The following FARS2 variants were observed in gnomAD, a reference collection of about 807,000 sequenced individuals.
FARS2 encodes phenylalanyl-tRNA synthetase 2, mitochondrial.
A neutral mutation model predicts 46.4 loss-of-function variants in FARS2; 40 were observed. The ratio of observed to expected loss-of-function variants is 0.86; its 90% CI spans 0.67 to 1.12. The LOEUF (loss-of-function observed/expected upper bound fraction) is 1.12. FARS2 is among the 50% of genes most tolerant of loss of function. The probability of loss-of-function intolerance (pLI) is 0.00; values close to 1 mark genes in which losing one functional copy is unlikely to be tolerated. For synonymous variants in FARS2, 234 were observed against 214.9 expected (o/e 1.09, Z -0.78); for missense variants, 513 against 567.9 (o/e 0.90, Z 0.98).
intron 1 of FARS2, among the ~76,000 whole-genome samples, chr6:5,293,837 G>A (rs1767666397): frequency 6.6e-6 from 1 of 152,240 alleles, no homozygotes; most frequent in African/African-American, 2.4e-5. Context: ...TGAAGGCCAA[G>A]AGCATGATTG....
At chr6:5,682,380 C>A (rs1779079489) in intron 6 of FARS2, among the ~76,000 whole-genome samples, 1 of 152,128 alleles carries the variant, frequency 6.6e-6, no homozygotes, top group African/African-American at 2.4e-5. Context: ...ATATACCAGA[C>A]ACTATGCAAG....
At chr6:5,639,721 G>T (rs969464181) in intron 6 of FARS2, among the ~76,000 whole-genome samples, 1 of 148,922 alleles carries the variant, frequency 6.7e-6, no homozygotes, top group Non-Finnish European at 1.5e-5. Flanking sequence ...GAGTGTAAGC[G>T]CTTGAAAAGT....
At chr6:5,698,253 A>G (rs770800476) in intron 6 of FARS2, among the ~76,000 whole-genome samples, 2 of 152,184 alleles carry the variant, frequency 1.3e-5, no homozygotes, top group African/African-American at 4.8e-5. Flanking sequence ...CTCAGCTTCT[A>G]GGGAGGCCTC....
chr6:5,638,740 T>A (rs1387741660), intron 6 of FARS2, among the ~76,000 whole-genome samples: 2 of 152,318 alleles, frequency 1.3e-5, no homozygotes, highest in South Asian at 4.1e-4. Flanking sequence ...CCTCCCTCAG[T>A]GGACCCTGCT....
chr6:5,363,728 C>T (rs909303367), intron 1 of FARS2, among the ~76,000 whole-genome samples: 1 of 152,198 alleles, frequency 6.6e-6, no homozygotes, highest in South Asian at 2.1e-4. Context: ...TTTCCCCTGA[C>T]TTCTGTGCTG....
chr6:5,416,597 T>A (rs116192098), intron 3 of FARS2, among the ~76,000 whole-genome samples: 1 of 152,236 alleles, frequency 6.6e-6, no homozygotes, highest in Non-Finnish European at 1.5e-5. Context: ...TTCAAAGTTA[T>A]TTTAATTAGA....
chr6:5,268,919 A>G (rs1339990698), intron 1 of FARS2, among the ~76,000 whole-genome samples: 1 of 152,118 alleles, frequency 6.6e-6, no homozygotes, highest in Non-Finnish European at 1.5e-5. Context: ...GGTCCTTCAC[A>G]TCCCTTGTAG....
intron 5 of FARS2, among the ~76,000 whole-genome samples, chr6:5,588,194 G>A (rs567822507): frequency 2.0e-5 from 3 of 151,864 alleles, no homozygotes; most frequent in Non-Finnish European, 4.4e-5. Flanking sequence ...ATTCAAATGT[G>A]CACATGGGCC....
intron 2 of FARS2, among the ~76,000 whole-genome samples, chr6:5,379,072 G>C (rs888806605): frequency 5.9e-5 from 9 of 152,198 alleles, no homozygotes; most frequent in Non-Finnish European, 1.0e-4. Flanking sequence ...GACCCTTACT[G>C]GGCTTTCAGC....
chr6:5,680,426 T>G (rs543007438), intron 6 of FARS2, among the ~76,000 whole-genome samples: 22 of 152,314 alleles, frequency 1.4e-4, no homozygotes, highest in African/African-American at 4.8e-4. Flanking sequence ...CTGGTAGGCA[T>G]CTCTATCAAC....
At position 5,635,078 on chromosome 6, in the gene FARS2, C is replaced by T. The variant is rs138476199; in HGVS notation, c.1217+21758C>T. Among the ~76,000 whole-genome samples, 627 of 152,356 alleles carry T rather than the reference C, an allele frequency of 4.1e-3. 3 individuals carry two copies. The highest frequency in any genetic ancestry group is 5.6e-3 in the Admixed American group (85 of 15,304). On this transcript the variant is annotated intron_variant, in intron 6 of 6. Coordinates refer to ENST00000274680, the MANE Select transcript of FARS2 (RefSeq NM_006567.5). ...CGTGGAACCATTCGAGCAAGTTACT[C>T]ACCTCTCTAAGCGTCAATTTCTTAT...
intron 5 of FARS2, among the ~76,000 whole-genome samples, chr6:5,602,570 C>T (rs1158814027): frequency 7.1e-6 from 1 of 140,870 alleles, no homozygotes; most frequent in African/African-American, 2.6e-5. Flanking sequence ...TCACTTGGAC[C>T]CAGGAGGCAG....
At chr6:5,378,995 C>T (rs2432749) in intron 2 of FARS2, among the ~76,000 whole-genome samples, 90,862 of 151,968 alleles carry the variant, frequency 0.6, 27,480 homozygotes, top group South Asian at 0.72. Flanking sequence ...TCTTTGGCTA[C>T]GACAAGATGG....
At chr6:5,621,072 A>G (rs1376279297) in intron 6 of FARS2, among the ~76,000 whole-genome samples, 1 of 152,150 alleles carries the variant, frequency 6.6e-6, no homozygotes, top group African/African-American at 2.4e-5. Flanking sequence ...CATTGGGCTA[A>G]TTGCTGTGGG....
At chr6:5,336,189 T>C (rs1771145694) in intron 1 of FARS2, among the ~76,000 whole-genome samples, 1 of 152,046 alleles carries the variant, frequency 6.6e-6, no homozygotes, top group South Asian at 2.1e-4. Context: ...TAAAAGTATC[T>C]GACAAATAAA....
At chr6:5,468,746 C>G (rs1209178141) in intron 4 of FARS2, among the ~76,000 whole-genome samples, 1 of 152,136 alleles carries the variant, frequency 6.6e-6, no homozygotes, top group Non-Finnish European at 1.5e-5. Context: ...CACAAGAATG[C>G]GATGCTAGCA....
intron 5 of FARS2, among the ~76,000 whole-genome samples, chr6:5,588,124 G>C (rs1402878634): frequency 6.6e-6 from 1 of 151,844 alleles, no homozygotes; most frequent in East Asian, 1.9e-4. Context: ...ATGGGTCCTT[G>C]TTCTACCCCA....
At chr6:5,656,871 G>C (rs967771123) in intron 6 of FARS2, among the ~76,000 whole-genome samples, 8 of 152,140 alleles carry the variant, frequency 5.3e-5, no homozygotes, top group Admixed American at 1.3e-4. Context: ...TGACACAGGT[G>C]TTTTAAGCAT....
chr6:5,422,415 TAGG>T (rs1762605433), intron 3 of FARS2, among the ~76,000 whole-genome samples: 1 of 152,144 alleles, frequency 6.6e-6, no homozygotes. Flanking sequence ...TGTTGTGTGT[TAGG>T]AGAACAAGGA....
Sources: allele counts gnomAD v4.1 joint callset (sites outside exome capture counted in the v4.1 genomes callset), GRCh38; gene constraint gnomAD v4.1.1; transcripts MANE v1.5; gene names NCBI Gene and HGNC (gene_info 2026-07-23, HGNC 2026-07-21).